Variants in FRMD4B observed in about 807,000 individuals in gnomAD.
The protein encoded by FRMD4B is FERM domain-containing protein 4B.
FRMD4B carries 74 observed loss-of-function variants against 141.5 expected under a neutral mutation model. The ratio of observed to expected loss-of-function variants is 0.52; its 90% CI spans 0.43 to 0.63. The LOEUF (loss-of-function observed/expected upper bound fraction) is 0.63. FRMD4B is among the 30% of genes least tolerant of loss of function. FRMD4B has a pLI of 0.00. For synonymous variants in FRMD4B, 506 were observed against 467.9 expected, an observed-to-expected ratio of 1.08 and a Z score of -1.05; for missense variants, 1,366 against 1,253.4, an observed-to-expected ratio of 1.09 and a Z score of -1.36.
intron 11 of FRMD4B, among the ~76,000 whole-genome samples, 189 bp downstream of exon 11, chr3:69,216,074 A>C (rs1362397036): frequency 6.6e-6 from 1 of 152,074 alleles, no homozygotes; most frequent in Admixed American, 6.6e-5. Context: ...GACTCGCTTG[A>C]ACCCAGGAGG....
At chr3:69,436,215 T>C (rs541195606) in intron 1 of FRMD4B, among the ~76,000 whole-genome samples, 8 of 152,202 alleles carry the variant, frequency 5.3e-5, no homozygotes, top group African/African-American at 1.7e-4. Context: ...TCTCTAATGA[T>C]AAATATCTAA....
chr3:69,257,356 A>T (rs568274297), intron 5 of FRMD4B, among the ~76,000 whole-genome samples: 56 of 152,144 alleles, frequency 3.7e-4, no homozygotes, highest in Admixed American at 6.5e-4. Flanking sequence ...ATGATATCCC[A>T]TTGGGAGGAC....
At chr3:69,189,655 C>A (rs746758751) in intron 18 of FRMD4B, among the ~76,000 whole-genome samples, 1 of 152,206 alleles carries the variant, frequency 6.6e-6, no homozygotes, top group South Asian at 2.1e-4. Context: ...TAGATACTCC[C>A]GTGAGGGCAT....
upstream of FRMD4B, chr3:69,386,173 G>A (rs1400678638): frequency 8.9e-5 from 49 of 552,202 alleles, no homozygotes; most frequent in Non-Finnish European, 1.5e-4. Context: ...CTGGGATTGG[G>A]TGCCCGCCAG....
chr3:69,364,342 G>A (rs1703572304), intron 1 of FRMD4B, among the ~76,000 whole-genome samples: 1 of 152,218 alleles, frequency 6.6e-6, no homozygotes, highest in Non-Finnish European at 1.5e-5. Context: ...TGGCCCCTTG[G>A]TGGCCACGGC....
At chr3:69,413,437 T>A (rs2106787124) in intron 2 of FRMD4B, among the ~76,000 whole-genome samples, 1 of 152,246 alleles carries the variant, frequency 6.6e-6, no homozygotes, top group African/African-American at 2.4e-5. Context: ...TCTCTCCCTT[T>A]ATTTTACTGT....
At position 69,456,733 on chromosome 3, in the gene FRMD4B, TAAA is replaced by T. The variant is rs60484143; in HGVS notation, c.-128-23975_-128-23973del. Among the ~76,000 whole-genome samples, 11 of 129,120 alleles carry T rather than the reference TAAA, an allele frequency of 8.5e-5. 1 individual carries two copies. Among genetic ancestry groups the T allele is most frequent in the Admixed American group, 4.8e-4 (6 of 12,622 alleles). The allele number at this position is 129,120 out of a possible 152,430, so 84.7% of individuals were successfully genotyped here. ...TTTACGTAGTATGATTCCATTTTTG[TAAA>T]AAAAAAAAAAAAAAGCATATGTCTG... On this transcript the variant is annotated intron_variant, in intron 1 of 5. Transcript: ENST00000459638.
chr3:69,265,820 C>A (rs2106892309), intron 5 of FRMD4B, among the ~76,000 whole-genome samples: 1 of 152,138 alleles, frequency 6.6e-6, no homozygotes, highest in African/African-American at 2.4e-5. Flanking sequence ...ATACCATTCT[C>A]CACTAAAAGG....
intron 11 of FRMD4B, among the ~76,000 whole-genome samples, chr3:69,201,304 G>T (rs1211133910): frequency 6.6e-6 from 1 of 152,058 alleles, no homozygotes; most frequent in Non-Finnish European, 1.5e-5. Flanking sequence ...ATAGAAACTT[G>T]AATATCATTA....
intron 1 of FRMD4B, among the ~76,000 whole-genome samples, chr3:69,314,265 C>G (rs1180736140): frequency 4.3e-5 from 6 of 139,328 alleles, no homozygotes; most frequent in Non-Finnish European, 7.6e-5. Context: ...CAGTGGCTCA[C>G]TCCTGTAATC....
At chr3:69,433,672 A>G (rs1269726372) in intron 1 of FRMD4B, among the ~76,000 whole-genome samples, 2 of 152,346 alleles carry the variant, frequency 1.3e-5, no homozygotes, top group East Asian at 3.9e-4. Flanking sequence ...TTCTAGCAGG[A>G]ACTCCATATT....
chr3:69,450,476 G>C (rs1280242133), intron 1 of FRMD4B, among the ~76,000 whole-genome samples: 1 of 152,058 alleles, frequency 6.6e-6, no homozygotes, highest in East Asian at 1.9e-4. Flanking sequence ...AAATAGGCTG[G>C]GGGTGGTGGC....
chr3:69,375,257 AC>A (rs764179163), intron 1 of FRMD4B, among the ~76,000 whole-genome samples: 187 of 10,036 alleles, frequency 0.019, 1 homozygote, highest in African/African-American at 0.036. Flanking sequence ...CCATCCATCC[AC>A]CCCATCCCAT....
At chr3:69,417,042 T>C (rs1270056313) in intron 2 of FRMD4B, among the ~76,000 whole-genome samples, 4 of 152,212 alleles carry the variant, frequency 2.6e-5, no homozygotes, top group Non-Finnish European at 4.4e-5. Context: ...AGTAGAATGA[T>C]TTATAATCCT....
intron 1 of FRMD4B, among the ~76,000 whole-genome samples, chr3:69,350,766 T>C (rs1035065606): frequency 7.0e-5 from 10 of 142,772 alleles, no homozygotes; most frequent in Non-Finnish European, 1.0e-4. Flanking sequence ...CAGGTGGGAA[T>C]TGAACAATGA....
intron 11 of FRMD4B, among the ~76,000 whole-genome samples, chr3:69,212,818 A>G (rs9824861): frequency 0.026 from 3,928 of 152,330 alleles, 177 homozygotes; most frequent in African/African-American, 0.089. Flanking sequence ...CAGAAAAACC[A>G]GTAAGACTCC....
At chr3:69,197,332 C>T (rs1431535914) in intron 12 of FRMD4B, among the ~76,000 whole-genome samples, 3 of 152,042 alleles carry the variant, frequency 2.0e-5, no homozygotes. Flanking sequence ...TAGTTAGAAA[C>T]TCTAAGGATG....
At chr3:69,341,590 A>C (rs1253885164) in intron 1 of FRMD4B, among the ~76,000 whole-genome samples, 1 of 152,208 alleles carries the variant, frequency 6.6e-6, no homozygotes, top group Admixed American at 6.5e-5. Context: ...AAATACAGTT[A>C]GGTGCTAAAG....
At chr3:69,227,319 A>G (rs1454572071) in intron 7 of FRMD4B, among the ~76,000 whole-genome samples, 1 of 152,134 alleles carries the variant, frequency 6.6e-6, no homozygotes, top group Non-Finnish European at 1.5e-5. Context: ...ATGTGCGTTA[A>G]TAGGGAAGTG....
Sources: allele counts gnomAD v4.1 joint callset (sites outside exome capture counted in the v4.1 genomes callset), GRCh38; gene constraint gnomAD v4.1.1; transcripts MANE v1.5; gene names NCBI Gene and HGNC (gene_info 2026-07-23, HGNC 2026-07-21).